Variants in MYO15A observed in about 807,000 individuals in gnomAD.
MYO15A encodes the protein unconventional myosin-XV.
MYO15A carries 308 observed loss-of-function variants against 394.6 expected under a neutral mutation model. The ratio of observed to expected loss-of-function variants is 0.78; its 90% CI spans 0.71 to 0.86. The LOEUF (loss-of-function observed/expected upper bound fraction) is 0.86, where lower values mean the gene tolerates loss of function less well. Among genes scored for constraint, MYO15A ranks in the 40% least tolerant of loss-of-function variants. The pLI, the probability that MYO15A is intolerant of heterozygous loss-of-function variation, is 0.00. For synonymous variants in MYO15A, 1,957 were observed against 2,003.8 expected (o/e 0.98, Z 0.62); for missense variants, 4,606 against 4,799.1 (o/e 0.96, Z 1.19).
At position 18,173,796 on chromosome 17, in the gene MYO15A, T is replaced by C. The variant is rs764448545; in HGVS notation, c.10366T>C (p.Phe3456Leu). 6.2e-6 allele frequency: 10 copies of C among 1,613,948 alleles called. No homozygotes were observed. Among genetic ancestry groups the C allele is most frequent in the Non-Finnish European group, 8.5e-6 (10 of 1,180,024 alleles). Residue 3456 changes from phenylalanine to leucine, a missense_variant, in exon 65 of 66, where the codon TTC (phenylalanine) becomes CTC (leucine). Phe to Leu is a conservative substitution (Grantham distance 22, BLOSUM62 0). Transcript: ENST00000647165. ...CTACTCCCAGGAATTGATGGTGAAG[T>C]TCCCCCTGAAGGAGATCCAGTCGAC... ...STETHELMVK[F>L]PLKEIQSTRT...
At chr17:18,146,198 CAG>C in intron 30 of MYO15A, 91 bp downstream of exon 30, 1 of 1,329,356 alleles carries the variant, frequency 7.5e-7, no homozygotes, top group African/African-American at 1.5e-5. Flanking sequence ...GGCCAGGAGT[CAG>C]ATCTCTATGC....
At chr17:18,130,936 A>G in intron 8 of MYO15A, 126 bp downstream of exon 8, 2 of 1,086,244 alleles carry the variant, frequency 1.8e-6, no homozygotes, top group Non-Finnish European at 2.7e-6. Flanking sequence ...GCAGGAAAGG[A>G]CATCCAAAGG....
chr17:18,162,996 T>A (rs895084994), intron 58 of MYO15A, among the ~76,000 whole-genome samples: 14 of 152,132 alleles, frequency 9.2e-5, no homozygotes, highest in African/African-American at 3.4e-4. Context: ...CGAGACTCCA[T>A]GTCAAAAAAC....
At chr17:18,125,090 C>G in intron 3 of MYO15A, 78 bp from the exon 4 acceptor site, 1 of 1,358,804 alleles carries the variant, frequency 7.4e-7, no homozygotes, top group South Asian at 1.2e-5. Flanking sequence ...GATCAAGGCA[C>G]TGCACTGAGT....
chr17:18,143,577 G>A lies in MYO15A; in HGVS notation c.5922G>A (p.Glu1974=), dbSNP rs368638694. 16 of 1,560,250 alleles carry A rather than the reference G, an allele frequency of 1.0e-5. No homozygotes were observed. The highest frequency in any genetic ancestry group is 1.3e-5 in the Non-Finnish European group (15 of 1,151,820). ...CTTCTCTTCTGAAGCTGAGGGCAGA[G>A]TGGAGGTGCCAGGTGGAGGGGGCGC... ...SRRRYLKLRA[E]WRCQVEGALL... is the part of the protein sequence containing the mutation. The change falls in exon 26 of 66, where the codon GAG becomes GAA. Residue 1974 remains glutamate (E), a synonymous_variant. Coordinates refer to ENST00000647165, the MANE Select transcript of MYO15A (RefSeq NM_016239.4).
At position 18,120,642 on chromosome 17, in the gene MYO15A, G is replaced by A. The variant is rs1348233385; in HGVS notation, c.1842G>A (p.Leu614=). The change falls in exon 2 of 66, where the codon CTG becomes CTA. Residue 614 remains leucine (L), a synonymous_variant. Coordinates refer to ENST00000647165, the MANE Select transcript of MYO15A (RefSeq NM_016239.4). ...CCTACAAACGCTTCGGCTACAAGCT[G>A]GCTGGCATGGACCCCGAGAAGCCCG... ...EAAYKRFGYK[L]AGMDPEKPGT... 1.9e-6 allele frequency: 3 copies of A among 1,594,968 alleles called. No homozygotes were observed. Among genetic ancestry groups the A allele is most frequent in the Non-Finnish European group, 2.6e-6 (3 of 1,174,028 alleles).
intron 65 of MYO15A, 112 bp from the exon 66 acceptor site, chr17:18,178,657 T>G: frequency 9.5e-7 from 1 of 1,049,856 alleles, no homozygotes; most frequent in African/African-American, 1.6e-5. Flanking sequence ...GGTCCCTGCA[T>G]GAATGATGGT....
chr17:18,120,028 G>A lies in MYO15A; in HGVS notation c.1228G>A (p.Val410Met), dbSNP rs373107474. 2 of 1,613,492 alleles carry A rather than the reference G, an allele frequency of 1.2e-6. No individual in the cohort carries two copies. Among genetic ancestry groups the A allele is most frequent in the Non-Finnish European group, 1.7e-6 (2 of 1,180,012 alleles). Residue 410 changes from valine to methionine, a missense_variant, in exon 2 of 66, where the codon GTG (valine) becomes ATG (methionine). Around this residue, in one of 2 missense-constraint regions of MYO15A, gnomAD observed 1,830 missense variants for 1,689.7 expected, o/e 1.08. Coordinates refer to ENST00000647165, the MANE Select transcript of MYO15A (RefSeq NM_016239.4). ...CCCGGAGGAGTCGGCTTCGGCCTTT[G>A]TGTACCCCTGGGTACCACCGCCCAT... is the stretch of plus-strand genomic sequence containing the variant. ...FYPEESASAF[V>M]YPWVPPPIPS...
chr17:18,178,988 T>C lies in MYO15A; in HGVS notation c.*118T>C. The C allele has an allele frequency of 9.7e-7, 1 of 1,035,940 alleles. No homozygotes were observed. The highest frequency in any genetic ancestry group is 1.3e-5 in the South Asian group (1 of 74,728). The allele number at this position is 1,035,940 out of a possible 1,614,324, so 64.2% of individuals were successfully genotyped here. ...AAGGGGCCAGAGCCTTGGAGGACAC[T>C]AAGAGGAGGCAGGAGGAGCAACTCA... On this transcript the variant is annotated 3_prime_UTR_variant, in exon 66 of 66. Transcript: ENST00000647165.
chr17:18,159,815 G>A (rs944337220), intron 55 of MYO15A, 120 bp from the exon 56 acceptor site: 4 of 1,446,706 alleles, frequency 2.8e-6, no homozygotes, highest in African/African-American at 1.4e-5. Flanking sequence ...TGCTGGTGGG[G>A]AGGGGGCTGG....
intron 15 of MYO15A, 71 bp downstream of exon 15, chr17:18,136,757 T>C: frequency 1.3e-6 from 2 of 1,525,604 alleles, no homozygotes; most frequent in East Asian, 2.5e-5. Context: ...CGTCTCGGGC[T>C]GCCCTTCCCA....
rs1168129257 is a variant in MYO15A, at chr17:18,161,108, G to A, written c.9387-209G>A. On this transcript the variant is annotated intron_variant, in intron 56 of 65. Coordinates refer to ENST00000647165, the MANE Select transcript of MYO15A (RefSeq NM_016239.4). The stretch of plus-strand genomic sequence containing the variant: ...AGTGCTTCCCCTACCTGGGGAAGAT[G>A]TCTGGGGCCCCATCCCCTTCTGTCC... 6.9e-6 allele frequency: 5 copies of A among 727,904 alleles called. No individual in the cohort carries two copies. The African/African-American group carries it at 8.7e-5, about 13-fold the overall frequency. 45.1% of individuals were successfully genotyped at this position (727,904 alleles called of 1,614,324 possible).
chr17:18,158,198 A>G (rs919038167), intron 51 of MYO15A: 2 of 587,264 alleles, frequency 3.4e-6, no homozygotes, highest in Non-Finnish European at 6.0e-6. Context: ...GGTGAAGTCT[A>G]CTGGGTTTGG....
At position 18,119,586 on chromosome 17, in the gene MYO15A, G is replaced by A. The variant is rs1344127781; in HGVS notation, c.786G>A (p.Ala262=). The change falls in exon 2 of 66, where the codon GCG becomes GCA. Residue 262 remains alanine (A), a synonymous_variant. Coordinates refer to ENST00000647165, the MANE Select transcript of MYO15A (RefSeq NM_016239.4). ...HRYEEQEPYL[A]GLGPYSPAWP... is the part of the protein sequence containing the mutation. The stretch of plus-strand genomic sequence containing the variant: ...ACGAGGAGCAGGAACCCTACCTGGC[G>A]GGCCTCGGCCCCTACAGCCCGGCCT... 1.2e-6 allele frequency: 2 copies of A among 1,604,902 alleles called. No homozygotes were observed. Among genetic ancestry groups the A allele is most frequent in the South Asian group, 1.1e-5 (1 of 91,082 alleles).
In MYO15A at chr17:18,179,088, G is replaced by A. The variant is rs1052808507; in HGVS notation, c.*218G>A. 1.6e-6 allele frequency: 1 copy of A among 616,460 alleles called. No homozygotes were observed. 38.2% of individuals were successfully genotyped at this position (616,460 alleles called of 1,614,324 possible). A position where few individuals can be genotyped will look rare whatever the true frequency, so the allele number is the denominator to read the frequency against. ...GCATGCAAACTTGGATCAGATAGCA[G>A]GAGGAACTTTCAAAAGTCTGGCCCA... On this transcript the variant is annotated 3_prime_UTR_variant, in exon 66 of 66. Transcript: ENST00000647165.
intron 63 of MYO15A, 83 bp downstream of exon 63, chr17:18,171,854 CTT>C: frequency 1.3e-6 from 2 of 1,526,958 alleles, no homozygotes; most frequent in Non-Finnish European, 1.8e-6. Context: ...GGAGGCACCT[CTT>C]TCTTTGCACA....
rs747371923 is a variant in MYO15A, at chr17:18,141,101, AG to A, written c.5492del (p.Gly1831AspfsTer18). On this transcript the variant is annotated frameshift_variant, in exon 22 of 66. Coordinates refer to ENST00000647165, the MANE Select transcript of MYO15A (RefSeq NM_016239.4). LOFTEE classifies it high-confidence loss of function. Reference sequence around the variant, plus strand: ...CTGGAGACCGTGAGGATCCGCAAGGAGGGATTTCCAGTGCGCCTGCCTTTCC... The same window carrying A: ...CTGGAGACCGTGAGGATCCGCAAGGAGGATTTCCAGTGCGCCTGCCTTTCC... ...GVLETVRIRK[E>X]GFPVRLPFQG... 13 of 1,613,876 alleles carry A rather than the reference AG, an allele frequency of 8.1e-6. No homozygotes were observed. Among genetic ancestry groups the A allele is most frequent in the Non-Finnish European group, 1.0e-5 (12 of 1,180,032 alleles).
intron 30 of MYO15A, among the ~76,000 whole-genome samples, chr17:18,146,402 T>C (rs1387233527): frequency 6.6e-6 from 1 of 152,132 alleles, no homozygotes; most frequent in African/African-American, 2.4e-5. Context: ...TCTCACAGCA[T>C]GAGAGTTTAA....
rs1555548136 is a variant in MYO15A, at chr17:18,167,726, G to A, written c.10082+3G>A. ...GACCACTTCTACCTGCCGAGCGTGT[G>A]AGCATCTGCCCTCCTGCCTCAGCTG... On this transcript the variant is annotated splice_donor_region_variant and intron_variant, in intron 62 of 65. Transcript: ENST00000647165. The A allele has an allele frequency of 1.2e-6, 2 of 1,602,696 alleles. No homozygotes were observed. Among genetic ancestry groups the A allele is most frequent in the East Asian group, 2.2e-5 (1 of 44,868 alleles).
Sources: gnomAD v4.1 joint callset for allele counts (sites outside exome capture counted in the v4.1 genomes callset) on GRCh38, gnomAD v4.1.1 for gene constraint, gnomAD v4.1.1 regional missense constraint, MANE v1.5 for transcripts, NCBI Gene and HGNC (gene_info 2026-07-23, HGNC 2026-07-21) for gene names.